COMMD1: variants seen among roughly 807,000 people sequenced by gnomAD.
COMMD1 encodes the protein COMM domain-containing protein 1.
In COMMD1, 10 loss-of-function variants were observed where a neutral mutation model predicts 17.2. The observed-to-expected ratio is 0.58, with a 90% CI of 0.36 to 0.99. The LOEUF (loss-of-function observed/expected upper bound fraction) is 0.99. Among genes scored for constraint, COMMD1 ranks in the 50% least tolerant of loss-of-function variants. The probability of loss-of-function intolerance (pLI) is 0.01; values close to 1 mark genes in which losing one functional copy is unlikely to be tolerated. For missense variants in COMMD1, 270 were observed against 231.8 expected, an observed-to-expected ratio of 1.17 and a Z score of -1.07; for synonymous variants, 97 against 91.6, an observed-to-expected ratio of 1.06 and a Z score of -0.34.
intron 1 of COMMD1, among the ~76,000 whole-genome samples, chr2:61,956,412 AT>A (rs1408294479): frequency 1.8e-3 from 260 of 146,084 alleles, no homozygotes; most frequent in Admixed American, 2.5e-3. Flanking sequence ...TCCTTGTAAA[AT>A]TTTTTTTTTT....
chr2:62,003,527 T>G (rs1309521250), intron 2 of COMMD1, among the ~76,000 whole-genome samples: 1 of 145,568 alleles, frequency 6.9e-6, no homozygotes, highest in Non-Finnish European at 1.5e-5. Context: ...GGCGACAGAG[T>G]GAGACTCCGT....
chr2:61,926,514 A>G (rs757262889), intron 1 of COMMD1, among the ~76,000 whole-genome samples: 4 of 152,216 alleles, frequency 2.6e-5, no homozygotes, highest in Admixed American at 6.5e-5. Flanking sequence ...CAAAGGGGAA[A>G]GTTAAACTTG....
chr2:61,927,159 G>A (rs1670347848), intron 1 of COMMD1, among the ~76,000 whole-genome samples: 1 of 152,140 alleles, frequency 6.6e-6, no homozygotes, highest in Non-Finnish European at 1.5e-5. Context: ...GCAGCGATGG[G>A]GAGATAGAAC....
intron 1 of COMMD1, among the ~76,000 whole-genome samples, chr2:61,934,471 C>T (rs907417671): frequency 3.9e-5 from 6 of 151,996 alleles, no homozygotes; most frequent in African/African-American, 1.5e-4. Context: ...ACCTGTGATC[C>T]CAGCGCTTGG....
At chr2:61,920,100 C>G (rs182599388) in intron 1 of COMMD1, among the ~76,000 whole-genome samples, 1 of 152,298 alleles carries the variant, frequency 6.6e-6, no homozygotes, top group Admixed American at 6.5e-5. Context: ...AGATCTAGTA[C>G]AGCTAGTGCA....
chr2:62,050,871 G>A (rs1340987394), intron 2 of COMMD1, among the ~76,000 whole-genome samples: 1 of 152,020 alleles, frequency 6.6e-6, no homozygotes, highest in East Asian at 1.9e-4. Flanking sequence ...AGAAGATCAG[G>A]ACTTGTGAAT....
intron 1 of COMMD1, 25 bp downstream of exon 1, chr2:61,905,883 G>A (rs1414380940): frequency 6.2e-7 from 1 of 1,612,952 alleles, no homozygotes; most frequent in Non-Finnish European, 8.5e-7. Context: ...TGTAGTCTCC[G>A]GCTTGGAGCA....
chr2:61,920,949 G>GTA (rs1296897387), intron 1 of COMMD1, among the ~76,000 whole-genome samples: 88 of 126,152 alleles, frequency 7.0e-4, no homozygotes, highest in Middle Eastern at 3.8e-3. Context: ...GTGTGTTTGT[G>GTA]TATATATATA....
intron 2 of COMMD1, among the ~76,000 whole-genome samples, chr2:62,116,453 C>G (rs929265080): frequency 3.9e-5 from 6 of 152,122 alleles, no homozygotes; most frequent in Non-Finnish European, 5.9e-5. Context: ...AGGCGGATCA[C>G]CTGAGGTCAG....
At chr2:61,902,025 G>A (rs897225727), upstream of COMMD1, among the ~76,000 whole-genome samples, 44 of 151,808 alleles carry the variant, frequency 2.9e-4, no homozygotes, top group African/African-American at 5.3e-4. Flanking sequence ...TAGAGATGAA[G>A]TTTCACCATG....
upstream of COMMD1, chr2:61,905,622 C>T: frequency 2.7e-6 from 4 of 1,474,430 alleles, no homozygotes; most frequent in Non-Finnish European, 3.6e-6. Flanking sequence ...TTAGGCACAT[C>T]TCGGCCGCCG....
chr2:62,108,867 G>C (rs1672381934), intron 2 of COMMD1, among the ~76,000 whole-genome samples: 1 of 152,174 alleles, frequency 6.6e-6, no homozygotes, highest in African/African-American at 2.4e-5. Flanking sequence ...TGTAGTTTCT[G>C]TAGTCTTTTG....
intron 1 of COMMD1, among the ~76,000 whole-genome samples, chr2:61,928,923 G>T (rs1670394741): frequency 6.6e-6 from 1 of 152,192 alleles, no homozygotes; most frequent in African/African-American, 2.4e-5. Flanking sequence ...CTCAGGAATA[G>T]AAATAAGGAT....
intron 2 of COMMD1, among the ~76,000 whole-genome samples, chr2:62,095,704 A>G (rs1671981584): frequency 6.7e-6 from 1 of 149,624 alleles, no homozygotes; most frequent in African/African-American, 2.5e-5. Context: ...AAATAACAAG[A>G]TAATAATGGA....
At chr2:61,933,659 A>C (rs1670527831) in intron 1 of COMMD1, among the ~76,000 whole-genome samples, 1 of 152,116 alleles carries the variant, frequency 6.6e-6, no homozygotes, top group Non-Finnish European at 1.5e-5. Flanking sequence ...CAGCCCCTCA[A>C]CCTTGGACTT....
intron 2 of COMMD1, among the ~76,000 whole-genome samples, chr2:62,052,909 AAG>A (rs1223269015): frequency 6.6e-6 from 1 of 152,050 alleles, no homozygotes; most frequent in African/African-American, 2.4e-5. Context: ...TCTCTACCAA[AAG>A]TACAAAAGTT....
At chr2:61,977,219 C>T (rs1244684697) in intron 1 of COMMD1, among the ~76,000 whole-genome samples, 2 of 145,088 alleles carry the variant, frequency 1.4e-5, no homozygotes, top group African/African-American at 5.1e-5. Flanking sequence ...GAATCTAAAA[C>T]TGCTGTAAAA....
chr2:62,003,642 C>CA (rs1669029956), intron 2 of COMMD1, among the ~76,000 whole-genome samples: 1 of 119,046 alleles, frequency 8.4e-6, no homozygotes, highest in Non-Finnish European at 1.9e-5. Context: ...ACACACACAC[C>CA]CAACAGATTA....
intron 2 of COMMD1, among the ~76,000 whole-genome samples, chr2:62,106,389 C>G (rs1672325170): frequency 6.6e-6 from 1 of 152,204 alleles, no homozygotes; most frequent in African/African-American, 2.4e-5. Context: ...TCTGCTCTTT[C>G]TGAACTACAG....
Sources: gnomAD v4.1 joint callset for allele counts (sites outside exome capture counted in the v4.1 genomes callset) on GRCh38, gnomAD v4.1.1 for gene constraint, MANE v1.5 for transcripts, NCBI Gene and HGNC (gene_info 2026-07-23, HGNC 2026-07-21) for gene names.